Variants in TENM3 observed in about 807,000 individuals in gnomAD.
TENM3 encodes the protein teneurin-3.
TENM3 carries 63 observed loss-of-function variants against 255.1 expected under a neutral mutation model. That is an observed-to-expected ratio of 0.25 (90% CI 0.20 to 0.30). TENM3 has a LOEUF of 0.30. TENM3 is among the 10% of genes least tolerant of loss of function. The pLI is 1.00. For synonymous variants in TENM3, 1,306 were observed against 1,322.3 expected (o/e 0.99, Z 0.27); for missense variants, 2,929 against 3,461.1 (o/e 0.85, Z 3.86).
At chr4:181,696,689 T>C in the TENM3 span, among the ~76,000 whole-genome samples, 5 of 152,224 alleles carry the variant, frequency 3.3e-5, no homozygotes, top group Non-Finnish European at 5.9e-5. Context: ...CTGTACGCAC[T>C]CACTAAGGTT....
chr4:181,604,418 T>TA, the TENM3 span, among the ~76,000 whole-genome samples: 2 of 152,194 alleles, frequency 1.3e-5, no homozygotes, highest in Admixed American at 6.5e-5. Context: ...AGCCCTGTGA[T>TA]ACCCTTCAAA....
the TENM3 span, among the ~76,000 whole-genome samples, chr4:181,569,521 T>C: frequency 5.9e-5 from 9 of 152,292 alleles, no homozygotes; most frequent in Admixed American, 5.2e-4. Context: ...CCTGGGGTTG[T>C]TTCCCCTTTT....
At chr4:181,506,022 C>T in the TENM3 span, among the ~76,000 whole-genome samples, 5 of 152,100 alleles carry the variant, frequency 3.3e-5, no homozygotes, top group Admixed American at 2.0e-4. Flanking sequence ...TGATAAAAAA[C>T]GTTTTACTTT....
At chr4:182,474,581 G>A (rs1227668021) in intron 3 of TENM3, among the ~76,000 whole-genome samples, 2 of 152,060 alleles carry the variant, frequency 1.3e-5, no homozygotes, top group Non-Finnish European at 2.9e-5. Context: ...GAAAATTACC[G>A]ACATAAATCC....
chr4:182,065,642 G>T, the TENM3 span, among the ~76,000 whole-genome samples: 1 of 152,066 alleles, frequency 6.6e-6, no homozygotes, highest in Non-Finnish European at 1.5e-5. Flanking sequence ...ATTACAATTC[G>T]ACCTGAGATT....
the TENM3 span, among the ~76,000 whole-genome samples, chr4:181,535,713 C>T: frequency 6.6e-6 from 1 of 152,196 alleles, no homozygotes; most frequent in Non-Finnish European, 1.5e-5. Context: ...GCACACCAGG[C>T]AAGCTCTTGC....
chr4:181,880,917 A>T, the TENM3 span, among the ~76,000 whole-genome samples: 1 of 152,124 alleles, frequency 6.6e-6, no homozygotes, highest in African/African-American at 2.4e-5. Flanking sequence ...AGGTCAGATC[A>T]GTTCTTCTGT....
the TENM3 span, among the ~76,000 whole-genome samples, chr4:181,534,757 C>T: frequency 6.6e-6 from 1 of 152,194 alleles, no homozygotes. Flanking sequence ...ACCCGCCGTT[C>T]ACTGTTTCTC....
At chr4:182,496,318 C>T (rs1735767278) in intron 3 of TENM3, among the ~76,000 whole-genome samples, 1 of 152,086 alleles carries the variant, frequency 6.6e-6, no homozygotes, top group Non-Finnish European at 1.5e-5. Context: ...CCTACCTTCT[C>T]CTCACTTCCT....
the TENM3 span, among the ~76,000 whole-genome samples, chr4:181,979,152 A>G: frequency 5.8e-5 from 4 of 68,860 alleles, no homozygotes; most frequent in Non-Finnish European, 8.1e-5. Flanking sequence ...ATATATATAT[A>G]TATGACATCT....
At chr4:181,452,436 C>CA in the TENM3 span, among the ~76,000 whole-genome samples, 1 of 152,130 alleles carries the variant, frequency 6.6e-6, no homozygotes, top group Non-Finnish European at 1.5e-5. Flanking sequence ...AAGTTACCCC[C>CA]ATGCTGCTGT....
chr4:182,621,165 A>G (rs1198407896), intron 4 of TENM3, among the ~76,000 whole-genome samples: 1 of 146,602 alleles, frequency 6.8e-6, no homozygotes, highest in African/African-American at 2.5e-5. Context: ...TGGACAACAG[A>G]GCGAGACTCC....
chr4:182,680,233 T>C lies in TENM3; in HGVS notation c.1538-15T>C. On this transcript the variant is annotated splice_polypyrimidine_tract_variant and intron_variant, in intron 8 of 27. Coordinates refer to ENST00000511685, the MANE Select transcript of TENM3 (RefSeq NM_001080477.4). ...AGGCTATACAACAAGTGTTCCTTCT[T>C]TCCTTTTTCTTCAGAGTCTGTGGTG... The C allele has an allele frequency of 6.3e-7, 1 of 1,585,626 alleles. No individual in the cohort carries two copies. The highest frequency in any genetic ancestry group is 8.7e-7 in the Non-Finnish European group (1 of 1,154,490).
At chr4:181,845,496 A>T in the TENM3 span, among the ~76,000 whole-genome samples, 1 of 152,150 alleles carries the variant, frequency 6.6e-6, no homozygotes, top group Admixed American at 6.5e-5. Flanking sequence ...AATATATATT[A>T]TATCTCTAAT....
At chr4:182,257,215 G>C (rs1758460106) in intron 1 of TENM3, among the ~76,000 whole-genome samples, 1 of 152,180 alleles carries the variant, frequency 6.6e-6, no homozygotes, top group Non-Finnish European at 1.5e-5. Flanking sequence ...AGGCGATGTT[G>C]ATGTTGATGC....
At chr4:181,991,382 T>C in the TENM3 span, among the ~76,000 whole-genome samples, 569 of 152,272 alleles carry the variant, frequency 3.7e-3, 17 homozygotes, top group South Asian at 0.049. Flanking sequence ...TCAGTGATCA[T>C]GGTGGGCAGA....
rs1580462648 is a variant in TENM3, at chr4:182,415,876, T to C, written c.511+68947T>C. Among the ~76,000 whole-genome samples, 4 of 152,326 alleles carry C rather than the reference T, an allele frequency of 2.6e-5. 1 individual carries two copies. In the South Asian group the frequency reaches 8.3e-4, roughly 32 times the overall value. ...TACACCATATAGAGTGCAGTTATAC[T>C]GAGCTACTTGGAGTCGTTTAAAGCA... is the stretch of plus-strand genomic sequence containing the variant. On this transcript the variant is annotated intron_variant, in intron 3 of 27. Transcript: ENST00000511685.
intron 1 of TENM3, among the ~76,000 whole-genome samples, chr4:182,301,582 A>C (rs1019425687): frequency 3.3e-5 from 5 of 152,232 alleles, no homozygotes; most frequent in African/African-American, 1.2e-4. Context: ...CACATTTAAG[A>C]GCATCTTGAA....
chr4:182,337,061 T>A (rs1283791969), intron 2 of TENM3, among the ~76,000 whole-genome samples: 1 of 152,214 alleles, frequency 6.6e-6, no homozygotes, highest in Non-Finnish European at 1.5e-5. Flanking sequence ...TCTACACTAC[T>A]CTTTTATCTT....
Sources: gnomAD v4.1 joint callset for allele counts (sites outside exome capture counted in the v4.1 genomes callset) on GRCh38, gnomAD v4.1.1 for gene constraint, MANE v1.5 for transcripts, NCBI Gene and HGNC (gene_info 2026-07-23, HGNC 2026-07-21) for gene names.